VPS13B: variants seen among roughly 807,000 people sequenced by gnomAD.
VPS13B encodes vacuolar protein sorting 13 homolog B.
VPS13B carries 285 observed loss-of-function variants against 426.4 expected under a neutral mutation model. The ratio of observed to expected loss-of-function variants is 0.67; its 90% CI spans 0.61 to 0.74. The LOEUF is 0.74. Ranked by LOEUF, VPS13B falls within the 30% of genes least tolerant of loss-of-function variation. The pLI is 0.00. For synonymous variants in VPS13B, 1,676 were observed against 1,676.4 expected (o/e 1.00, Z 0.01); for missense variants, 4,537 against 4,782.6 (o/e 0.95, Z 1.51).
chr8:99,714,088 G>A (rs1436319482), intron 36 of VPS13B, among the ~76,000 whole-genome samples: 5 of 145,984 alleles, frequency 3.4e-5, no homozygotes, highest in African/African-American at 5.1e-5. Context: ...GCAGTGAGCC[G>A]AGATCATGCC....
At chr8:99,340,335 A>G in intron 19 of VPS13B, 2 of 366,216 alleles carry the variant, frequency 5.5e-6, no homozygotes, top group African/African-American at 2.1e-5. Context: ...TCTAGGTGCT[A>G]TAGTATGCCT....
chr8:99,082,955 G>T (rs1397126986), intron 3 of VPS13B, among the ~76,000 whole-genome samples: 4 of 151,994 alleles, frequency 2.6e-5, no homozygotes, highest in Non-Finnish European at 5.9e-5. Context: ...GCTCTTTTTT[G>T]GTTCCATATG....
intron 21 of VPS13B, among the ~76,000 whole-genome samples, chr8:99,429,081 G>A (rs937407152): frequency 6.6e-6 from 1 of 152,134 alleles, no homozygotes; most frequent in African/African-American, 2.4e-5. Flanking sequence ...ATTGAACAAT[G>A]AGAACACATG....
intron 43 of VPS13B, among the ~76,000 whole-genome samples, chr8:99,800,237 C>T (rs1170587070): frequency 3.9e-5 from 6 of 152,144 alleles, no homozygotes; most frequent in African/African-American, 1.4e-4. Flanking sequence ...TTCTTTGAAT[C>T]TGTGCTTTTC....
chr8:99,864,041 G>T (rs180867306), intron 58 of VPS13B, among the ~76,000 whole-genome samples: 1 of 152,146 alleles, frequency 6.6e-6, no homozygotes, highest in African/African-American at 2.4e-5. Flanking sequence ...GACTTCCTTT[G>T]TTTCATGTAC....
intron 19 of VPS13B, among the ~76,000 whole-genome samples, chr8:99,365,245 A>T (rs1170511212): frequency 7.3e-6 from 1 of 136,474 alleles, no homozygotes; most frequent in African/African-American, 2.7e-5. Context: ...GATCTTTTGT[A>T]TTTTCTTCAT....
chr8:99,517,630 T>C (rs1029439660), intron 29 of VPS13B, among the ~76,000 whole-genome samples: 1 of 152,206 alleles, frequency 6.6e-6, no homozygotes, highest in African/African-American at 2.4e-5. Flanking sequence ...TACAAGTCTT[T>C]GACTTCCAGC....
chr8:99,411,713 T>C (rs1815674562), intron 21 of VPS13B, among the ~76,000 whole-genome samples: 1 of 152,242 alleles, frequency 6.6e-6, no homozygotes, highest in Non-Finnish European at 1.5e-5. Flanking sequence ...TTTAAGGTTT[T>C]AATCCATCTT....
chr8:99,255,378 G>A (rs1204156611), intron 17 of VPS13B, among the ~76,000 whole-genome samples: 1 of 152,084 alleles, frequency 6.6e-6, no homozygotes, highest in Admixed American at 6.5e-5. Flanking sequence ...TCATCTCAGT[G>A]ACATCTATTA....
At chr8:99,667,613 C>G (rs1830539799) in intron 35 of VPS13B, among the ~76,000 whole-genome samples, 1 of 152,026 alleles carries the variant, frequency 6.6e-6, no homozygotes, top group South Asian at 2.1e-4. Flanking sequence ...CTAGCTTAGA[C>G]AAAAATTTTC....
At chr8:99,687,826 G>A (rs76599759) in intron 35 of VPS13B, among the ~76,000 whole-genome samples, 10,641 of 151,860 alleles carry the variant, frequency 0.07, 635 homozygotes, top group African/African-American at 0.14. Flanking sequence ...TTTGGTTCTT[G>A]TTAAGTTCCT....
intron 3 of VPS13B, among the ~76,000 whole-genome samples, chr8:99,066,680 C>T (rs1397952816): frequency 1.3e-5 from 2 of 152,156 alleles, no homozygotes. Flanking sequence ...AGAGCTTCTG[C>T]ACAGCAAAAG....
chr8:99,337,865 AAATC>A (rs1229949673), intron 19 of VPS13B, among the ~76,000 whole-genome samples: 2 of 152,148 alleles, frequency 1.3e-5, no homozygotes, highest in African/African-American at 4.8e-5. Flanking sequence ...ATGATTCAAA[AAATC>A]AAGTTTTATA....
rs60698750 is a variant in VPS13B at position 99,250,664 on chromosome 8, C to CTTTTTT, written c.2516-23501_2516-23496dup. 5.3e-4 allele frequency among the ~76,000 whole-genome samples: 19 copies of CTTTTTT among 35,806 alleles called. 3 individuals are homozygous for CTTTTTT. Among genetic ancestry groups the CTTTTTT allele is most frequent in the Non-Finnish European group, 7.9e-4 (17 of 21,420 alleles). 23.5% of individuals were successfully genotyped at this position (35,806 alleles called of 152,430 possible). On this transcript the variant is annotated intron_variant, in intron 17 of 61. Transcript: ENST00000357162. ...CTGTCCACTAATCCGTGTGTTTATTCTTTTTTTTTTTTTTTTTTTTTTTTT... is the reference window on the plus strand; with the variant it reads ...CTGTCCACTAATCCGTGTGTTTATTCTTTTTTTTTTTTTTTTTTTTTTTTTTTTTTT...
intron 21 of VPS13B, among the ~76,000 whole-genome samples, chr8:99,431,225 T>C (rs1817093302): frequency 6.6e-6 from 1 of 152,226 alleles, no homozygotes; most frequent in Non-Finnish European, 1.5e-5. Context: ...CTTAATGAAT[T>C]CTTACAAAGT....
intron 19 of VPS13B, among the ~76,000 whole-genome samples, chr8:99,352,789 A>G (rs1588283306): frequency 6.6e-6 from 1 of 151,150 alleles, no homozygotes; most frequent in Admixed American, 6.6e-5. Flanking sequence ...GTGCCATTGC[A>G]CTCCAGCCTG....
At chr8:99,824,639 T>C (rs1201328600) in intron 51 of VPS13B, among the ~76,000 whole-genome samples, 3 of 151,852 alleles carry the variant, frequency 2.0e-5, no homozygotes, top group Non-Finnish European at 4.4e-5. Context: ...GATACATGTG[T>C]AGAACATACA....
chr8:99,469,105 T>G (rs1397727708), intron 24 of VPS13B, among the ~76,000 whole-genome samples: 1 of 152,028 alleles, frequency 6.6e-6, no homozygotes, highest in Non-Finnish European at 1.5e-5. Flanking sequence ...AAGAACACTG[T>G]CATAAAAACT....
intron 32 of VPS13B, 123 bp downstream of exon 32, chr8:99,575,907 C>T: frequency 1.1e-6 from 1 of 937,688 alleles, no homozygotes; most frequent in Non-Finnish European, 1.6e-6. Flanking sequence ...ATAATGGCTA[C>T]TATCATAGCT....
Sources: gnomAD v4.1 joint callset for allele counts (sites outside exome capture counted in the v4.1 genomes callset) on GRCh38, gnomAD v4.1.1 for gene constraint, MANE v1.5 for transcripts, NCBI Gene and HGNC (gene_info 2026-07-23, HGNC 2026-07-21) for gene names.